TXNDC5: variants seen among roughly 807,000 people sequenced by gnomAD.
TXNDC5 encodes thioredoxin domain-containing protein 5.
A neutral mutation model predicts 52.6 loss-of-function variants in TXNDC5; 44 were observed. The ratio of observed to expected loss-of-function variants is 0.84; its 90% confidence interval spans 0.66 to 1.08. TXNDC5 has a LOEUF of 1.08. Ranked by LOEUF, TXNDC5 falls within the 50% of genes least tolerant of loss-of-function variation. TXNDC5 has a pLI of 0.00. For missense variants in TXNDC5, 600 were observed against 565.5 expected, an observed-to-expected ratio of 1.06 and a Z score of -0.62; for synonymous variants, 241 against 234.4, an observed-to-expected ratio of 1.03 and a Z score of -0.26.
rs1316624937 is a variant in TXNDC5, at chr6:7,895,812, G to C, written c.520-610C>G. Among the ~76,000 whole-genome samples the C allele has an allele frequency of 3.9e-5, 6 of 152,130 alleles. No homozygotes were observed. In the East Asian group the frequency reaches 1.2e-3, roughly 30 times the overall value. ...TCAAGACCAGCCTAGGCAACAGAGTGAGACCCCATCGCTACAAAAAAAAAA... is the reference window on the plus strand; with the variant it reads ...TCAAGACCAGCCTAGGCAACAGAGTCAGACCCCATCGCTACAAAAAAAAAA... On this transcript the variant is annotated intron_variant, in intron 3 of 9. Coordinates refer to ENST00000379757, the MANE Select transcript of TXNDC5 (RefSeq NM_030810.5).
intron 1 of TXNDC5, among the ~76,000 whole-genome samples, chr6:7,905,636 G>A (rs1760705159): frequency 6.6e-6 from 1 of 152,156 alleles, no homozygotes; most frequent in African/African-American, 2.4e-5. Context: ...CACAGCTCTT[G>A]CTGTGTTCTC....
Position 7,883,101 on chromosome 6 carries a change from G to A in TXNDC5, c.*43C>T, listed in dbSNP as rs1280404989. ...CTGTGGGACTGAACTCCTAAACGCAGGGTGCGGGAGCTGGGCAGGAGAGGT... is the reference window on the plus strand; with the variant it reads ...CTGTGGGACTGAACTCCTAAACGCAAGGTGCGGGAGCTGGGCAGGAGAGGT... On this transcript the variant is annotated 3_prime_UTR_variant, in exon 10 of 10. Transcript: ENST00000379757. 1 of 1,612,848 alleles carries A rather than the reference G, an allele frequency of 6.2e-7. No individual in the cohort carries two copies. Among genetic ancestry groups the A allele is most frequent in the Admixed American group, 1.7e-5 (1 of 59,984 alleles).
chr6:7,883,049 C>A lies in TXNDC5; in HGVS notation c.*95G>T, dbSNP rs1362515193. On this transcript the variant is annotated 3_prime_UTR_variant, in exon 10 of 10. Transcript: ENST00000379757. ...CGCTTAGTATGTTCTGCTTTCTGAA[C>A]AGCCACCACTGGGAACCCAGTGGCC... The A allele has an allele frequency of 1.3e-6, 2 of 1,561,412 alleles. No individual in the cohort carries two copies. Among genetic ancestry groups the A allele is most frequent in the East Asian group, 2.3e-5 (1 of 44,132 alleles).
In TXNDC5 at chr6:7,891,702, A is replaced by G. The variant is rs1390639786; in HGVS notation, c.651T>C (p.Cys217=). Residue 217 remains cysteine, a synonymous_variant, in exon 5 of 10, where the codon TGT becomes TGC. Coordinates refer to ENST00000379757, the MANE Select transcript of TXNDC5 (RefSeq NM_030810.5). ...DHFIKFFAPW[C]GHCKALAPTW... ...TTGGAGCCAGGGCTTTGCAGTGACC[A>G]CACCACGGAGCGAAGAACTTGATAA... 1 of 1,613,822 alleles carries G rather than the reference A, an allele frequency of 6.2e-7. No homozygotes were observed. The highest frequency in any genetic ancestry group is 1.3e-5 in the African/African-American group (1 of 74,920).
At position 7,882,891 on chromosome 6, in the gene TXNDC5, AAG is replaced by A. The variant is rs1491553360; in HGVS notation, c.*251_*252del. The A allele has an allele frequency of 2.5e-5, 10 of 405,970 alleles. No homozygotes were observed. The highest frequency in any genetic ancestry group is 3.9e-5 in the Non-Finnish European group (9 of 227,886). 25.1% of individuals were successfully genotyped at this position (405,970 alleles called of 1,614,324 possible). ...TGTAAATTTCATCAAGAGAAGGTCA[AAG>A]GGGATATATCGCCACTGAAAATGTT... On this transcript the variant is annotated 3_prime_UTR_variant, in exon 10 of 10. Transcript: ENST00000379757.
chr6:7,899,747 T>G (rs1253338701), intron 2 of TXNDC5, 66 bp from the exon 3 acceptor site: 2 of 1,307,768 alleles, frequency 1.5e-6, no homozygotes. Context: ...GCAAACTCAT[T>G]TAGTGAAACA....
At chr6:7,908,239 C>T (rs771205716) in intron 1 of TXNDC5, among the ~76,000 whole-genome samples, 2 of 140,948 alleles carry the variant, frequency 1.4e-5, no homozygotes, top group Non-Finnish European at 3.0e-5. Flanking sequence ...ATCAAGATTG[C>T]GCTACTGCAC....
intron 8 of TXNDC5, among the ~76,000 whole-genome samples, chr6:7,884,768 T>A (rs1759901572): frequency 1.3e-5 from 2 of 152,180 alleles, no homozygotes; most frequent in African/African-American, 4.8e-5. Context: ...TTCCATGCCA[T>A]GGTGAACTGT....
chr6:7,898,924 G>C (rs1331164510), intron 3 of TXNDC5, among the ~76,000 whole-genome samples: 3 of 152,142 alleles, frequency 2.0e-5, no homozygotes, highest in African/African-American at 4.8e-5. Context: ...AGTATTAATG[G>C]TACAAAATGA....
At chr6:7,904,881 C>T (rs1760684730) in intron 1 of TXNDC5, among the ~76,000 whole-genome samples, 158 bp from the exon 2 acceptor site, 1 of 152,214 alleles carries the variant, frequency 6.6e-6, no homozygotes, top group Non-Finnish European at 1.5e-5. Context: ...CCTCTCTCCC[C>T]TGCTCCCATC....
At chr6:7,903,553 T>C (rs777988439) in intron 2 of TXNDC5, among the ~76,000 whole-genome samples, 1 of 152,188 alleles carries the variant, frequency 6.6e-6, no homozygotes, top group African/African-American at 2.4e-5. Flanking sequence ...AAGTAAATGG[T>C]AGAGCTGGGA....
rs999940766 is a variant in TXNDC5 at position 7,898,356 on chromosome 6, G to A, written c.519+1220C>T. Reference sequence around the variant, plus strand: ...CAGGCATGAGCCACCACACCCAGCCGAGTTGAGAGAGTCTTTGCAGGTGAG... The same window carrying A: ...CAGGCATGAGCCACCACACCCAGCCAAGTTGAGAGAGTCTTTGCAGGTGAG... On this transcript the variant is annotated intron_variant, in intron 3 of 9. Coordinates refer to ENST00000379757, the MANE Select transcript of TXNDC5 (RefSeq NM_030810.5). 2.2e-4 allele frequency among the ~76,000 whole-genome samples: 33 copies of A among 152,270 alleles called. No individual in the cohort carries two copies. In the East Asian group the frequency reaches 3.5e-3, roughly 16 times the overall value.
At position 7,904,654 on chromosome 6, in the gene TXNDC5, A is replaced by G. The variant is rs994381763; in HGVS notation, c.333T>C (p.Asp111=). The G allele has an allele frequency of 3.1e-6, 5 of 1,614,090 alleles. No individual in the cohort carries two copies. In the African/African-American group the frequency reaches 5.3e-5, roughly 17 times the overall value. Residue 111 remains aspartate (D), a synonymous_variant, in exon 2 of 10, where the codon GAT becomes GAC. Transcript: ENST00000379757. ...CCACTTTAGCCACATAGACTTTGGC[A>G]TCTTCCATGCTGTTGTATTTGTCTC... is the stretch of plus-strand genomic sequence containing the variant. ...DLGDKYNSME[D]AKVYVAKVDC...
intron 4 of TXNDC5, among the ~76,000 whole-genome samples, chr6:7,894,305 G>C (rs950714778): frequency 2.0e-5 from 3 of 150,070 alleles, no homozygotes; most frequent in African/African-American, 7.4e-5. Context: ...ACAAGGTCTT[G>C]CTTAGGCTGA....
At chr6:7,887,389 C>T (rs913488364) in intron 7 of TXNDC5, among the ~76,000 whole-genome samples, 13 of 152,208 alleles carry the variant, frequency 8.5e-5, no homozygotes, top group African/African-American at 3.1e-4. Flanking sequence ...TGAAGATCAA[C>T]ACCTTGAAAA....
Position 7,899,641 on chromosome 6 carries a change from G to A in TXNDC5, c.454C>T (p.Gln152Ter). 3.1e-6 allele frequency: 5 copies of A among 1,614,054 alleles called. No individual in the cohort carries two copies. In the South Asian group the frequency reaches 5.5e-5, roughly 18 times the overall value. Residue 152 changes from glutamine (Q) to a stop codon, truncating the protein, a stop_gained, in exon 3 of 10, where the codon CAG becomes TAG. Transcript: ENST00000379757. LOFTEE classifies it high-confidence loss of function. ...FKPGQEAVKY[Q>*]GPRDFQTLEN... ...AGTGTCTGGAAGTCCCGAGGACCCT[G>A]GTACTTCACAGCTTCTTGGCCTGGC...
intron 7 of TXNDC5, among the ~76,000 whole-genome samples, chr6:7,887,421 A>C (rs1760022486): frequency 6.6e-6 from 1 of 150,990 alleles, no homozygotes. Context: ...CCTTTCCTCG[A>C]GCTCTGGCCC....
chr6:7,887,301 G>C (rs994690499), intron 7 of TXNDC5, among the ~76,000 whole-genome samples: 2 of 152,182 alleles, frequency 1.3e-5, no homozygotes, highest in Non-Finnish European at 2.9e-5. Context: ...CTCTCGTCCA[G>C]TGCAGACCTC....
Position 7,883,215 on chromosome 6 carries a change from C to T in TXNDC5, c.1228G>A (p.Glu410Lys). The T allele has an allele frequency of 6.2e-7, 1 of 1,614,140 alleles. No individual in the cohort carries two copies. The highest frequency in any genetic ancestry group is 8.5e-7 in the Non-Finnish European group (1 of 1,180,030). The change falls in exon 10 of 10, where the codon GAG becomes AAG. Residue 410 changes from glutamate to lysine, a missense_variant. Glu to Lys is a moderately conservative substitution (Grantham distance 56). Transcript: ENST00000379757. ...LLFRGGKKVS[E>K]HSGGRDLDSL... Reference sequence around the variant, plus strand: ...TCAAGGTCTCTGCCTCCACTGTGCTCACTGACTTTCTTCCCTCCTCGGAAA... The same window carrying T: ...TCAAGGTCTCTGCCTCCACTGTGCTTACTGACTTTCTTCCCTCCTCGGAAA...
Sources: allele counts gnomAD v4.1 joint callset (sites outside exome capture counted in the v4.1 genomes callset), GRCh38; gene constraint gnomAD v4.1.1; transcripts MANE v1.5; gene names NCBI Gene and HGNC (gene_info 2026-07-23, HGNC 2026-07-21).